ENTPD1: variants seen among roughly 807,000 people sequenced by gnomAD.
The protein encoded by ENTPD1 is ATP diphosphohydrolase.
Under a neutral mutation model 57.0 loss-of-function variants are expected in ENTPD1, and 33 were observed. The observed-to-expected ratio is 0.58, with a 90% CI of 0.44 to 0.77. The LOEUF (loss-of-function observed/expected upper bound fraction) is 0.77, where lower values mean the gene tolerates loss of function less well. Ranked by LOEUF, ENTPD1 falls within the 30% of genes least tolerant of loss-of-function variation. The pLI is 0.00. For missense variants in ENTPD1, 501 were observed against 603.4 expected (o/e 0.83, Z 1.78); for synonymous variants, 202 against 218.8 (o/e 0.92, Z 0.68).
intron 1 of ENTPD1, among the ~76,000 whole-genome samples, chr10:95,738,899 T>C (rs924814267): frequency 1.3e-5 from 2 of 152,196 alleles, no homozygotes; most frequent in Non-Finnish European, 2.9e-5. Flanking sequence ...ACACTTTGGA[T>C]TGTATACACA....
At chr10:95,716,705 G>A (rs558120417) in intron 1 of ENTPD1, among the ~76,000 whole-genome samples, 12 of 152,272 alleles carry the variant, frequency 7.9e-5, no homozygotes, top group Admixed American at 3.9e-4. Context: ...GGCCCTTGTC[G>A]GATGTGGCTT....
intron 1 of ENTPD1, among the ~76,000 whole-genome samples, chr10:95,810,300 T>C (rs2098299231): frequency 1.6e-5 from 2 of 128,726 alleles, no homozygotes; most frequent in Non-Finnish European, 1.6e-5. Context: ...GATGGGGCGG[T>C]GGCTGGGCAG....
chr10:95,786,430 C>G (rs527359125), intron 1 of ENTPD1, among the ~76,000 whole-genome samples: 32 of 152,246 alleles, frequency 2.1e-4, no homozygotes, highest in Admixed American at 2.6e-4. Context: ...TTGAAGGAGA[C>G]GCAGGTTCAG....
chr10:95,719,532 T>A (rs1463378441), intron 1 of ENTPD1, among the ~76,000 whole-genome samples: 1 of 152,220 alleles, frequency 6.6e-6, no homozygotes, highest in Non-Finnish European at 1.5e-5. Context: ...GCTGGATACG[T>A]TCCTTACTGA....
At chr10:95,696,918 T>C in the ENTPD1 span, among the ~76,000 whole-genome samples, 11 of 152,182 alleles carry the variant, frequency 7.2e-5, no homozygotes, top group Non-Finnish European at 1.6e-4. Flanking sequence ...TCCCCCCTTT[T>C]CCAAAAATCT....
intron 1 of ENTPD1, among the ~76,000 whole-genome samples, chr10:95,718,172 TGGGTGAA>T (rs2097973707): frequency 6.6e-6 from 1 of 152,114 alleles, no homozygotes; most frequent in Non-Finnish European, 1.5e-5. Flanking sequence ...GTGAAAGTTT[TGGGTGAA>T]GGGTTTTAAG....
chr10:95,818,332 T>C (rs1026987081), intron 1 of ENTPD1, among the ~76,000 whole-genome samples: 1 of 152,056 alleles, frequency 6.6e-6, no homozygotes, highest in Non-Finnish European at 1.5e-5. Flanking sequence ...CCCAAACAGA[T>C]CTGTTGGTTG....
Position 95,842,305 on chromosome 10 carries a change from T to A in ENTPD1, c.263-39T>A, listed in dbSNP as rs1256768270. The A allele has an allele frequency of 8.9e-6, 14 of 1,575,174 alleles. No individual in the cohort carries two copies. The Admixed American group carries it at 1.0e-4, about 11-fold the overall frequency. On this transcript the variant is annotated intron_variant, in intron 3 of 9. Coordinates refer to ENST00000371205, the MANE Select transcript of ENTPD1 (RefSeq NM_001776.6). ...TATTGTCAAGGTATGTTTTATAATTTTTTTTTAAAAGATTGTTATCTTCTA... is the reference window on the plus strand; with the variant it reads ...TATTGTCAAGGTATGTTTTATAATTATTTTTTAAAAGATTGTTATCTTCTA...
intron 1 of ENTPD1, among the ~76,000 whole-genome samples, chr10:95,713,027 C>G (rs1351990484): frequency 8.3e-6 from 1 of 120,558 alleles, no homozygotes; most frequent in Non-Finnish European, 1.9e-5. Flanking sequence ...GAGCGAGATT[C>G]TGTCTTAAAA....
chr10:95,788,867 C>T (rs547575810), intron 1 of ENTPD1, among the ~76,000 whole-genome samples: 4 of 152,124 alleles, frequency 2.6e-5, no homozygotes, highest in East Asian at 1.9e-4. Flanking sequence ...AGTTTTCCCC[C>T]GAGGATTTGT....
chr10:95,750,975 A>G (rs1276426693), upstream of ENTPD1, among the ~76,000 whole-genome samples: 1 of 152,114 alleles, frequency 6.6e-6, no homozygotes, highest in African/African-American at 2.4e-5. Flanking sequence ...GCGAGCCAAG[A>G]TAGCACCACT....
At chr10:95,738,430 G>T (rs918369986) in intron 1 of ENTPD1, among the ~76,000 whole-genome samples, 1 of 152,178 alleles carries the variant, frequency 6.6e-6, no homozygotes, top group African/African-American at 2.4e-5. Flanking sequence ...AGTGAGGGAG[G>T]CCCCTTGCTT....
chr10:95,814,230 G>T (rs963446215), intron 1 of ENTPD1, among the ~76,000 whole-genome samples: 3 of 152,118 alleles, frequency 2.0e-5, no homozygotes, highest in Non-Finnish European at 1.5e-5. Flanking sequence ...GACCACAAAG[G>T]CCTATTATTC....
chr10:95,825,792 A>T (rs1243677446), intron 2 of ENTPD1, among the ~76,000 whole-genome samples: 1 of 152,000 alleles, frequency 6.6e-6, no homozygotes, highest in Non-Finnish European at 1.5e-5. Context: ...GTTAGCCAGG[A>T]TGGTCTTGAT....
At chr10:95,752,425 T>C (rs1241655788), upstream of ENTPD1, among the ~76,000 whole-genome samples, 4 of 152,048 alleles carry the variant, frequency 2.6e-5, no homozygotes, top group Non-Finnish European at 4.4e-5. Flanking sequence ...GAGGCCGAGG[T>C]GGGCAGATCA....
intron 1 of ENTPD1, among the ~76,000 whole-genome samples, chr10:95,785,577 T>C (rs1055498405): frequency 6.6e-6 from 1 of 152,172 alleles, no homozygotes; most frequent in Non-Finnish European, 1.5e-5. Flanking sequence ...AAACCATCTG[T>C]GGTAACTTTT....
At chr10:95,704,290 G>T in the ENTPD1 span, among the ~76,000 whole-genome samples, 3,642 of 152,148 alleles carry the variant, frequency 0.024, 172 homozygotes, top group East Asian at 0.16. Flanking sequence ...TTGACATGCT[G>T]ATTTCAAATT....
intron 2 of ENTPD1, among the ~76,000 whole-genome samples, chr10:95,825,998 C>T (rs1398348004): frequency 6.6e-6 from 1 of 152,128 alleles, no homozygotes; most frequent in East Asian, 1.9e-4. Flanking sequence ...TCCAGTCTGG[C>T]TGACAGAGTA....
chr10:95,802,965 TG>T (rs1484237217), intron 1 of ENTPD1, among the ~76,000 whole-genome samples: 2 of 152,012 alleles, frequency 1.3e-5, no homozygotes, highest in Admixed American at 1.3e-4. Flanking sequence ...TGGGTATTGC[TG>T]GTATAGTTTG....
Sources: gnomAD v4.1 joint callset for allele counts (sites outside exome capture counted in the v4.1 genomes callset) on GRCh38, gnomAD v4.1.1 for gene constraint, MANE v1.5 for transcripts, NCBI Gene and HGNC (gene_info 2026-07-23, HGNC 2026-07-21) for gene names.